CTNNA3: variants seen among roughly 807,000 people sequenced by gnomAD.
CTNNA3 encodes catenin alpha 3, also known as catenin alpha-3.
CTNNA3 carries 76 observed loss-of-function variants against 95.7 expected under a neutral mutation model. The observed-to-expected ratio is 0.79, with a 90% CI of 0.66 to 0.96. The LOEUF is 0.96. CTNNA3 is among the 40% of genes least tolerant of loss of function. The pLI is 0.00. For missense variants in CTNNA3, 1,191 were observed against 1,089.8 expected (o/e 1.09, Z -1.31); for synonymous variants, 431 against 374.4 (o/e 1.15, Z -1.74).
At chr10:66,336,606 T>C (rs2092399324) in intron 12 of CTNNA3, among the ~76,000 whole-genome samples, 1 of 152,178 alleles carries the variant, frequency 6.6e-6, no homozygotes, top group Non-Finnish European at 1.5e-5. Flanking sequence ...ATATTTTTTG[T>C]AACATTGTCT....
intron 5 of CTNNA3, among the ~76,000 whole-genome samples, chr10:67,287,578 A>G (rs1419842492): frequency 6.6e-6 from 1 of 152,212 alleles, no homozygotes; most frequent in Non-Finnish European, 1.5e-5. Context: ...GAATTTATAG[A>G]AGGATTTTTC....
chr10:67,737,811 T>G (rs1419287163), intron 1 of CTNNA3, among the ~76,000 whole-genome samples: 2 of 152,248 alleles, frequency 1.3e-5, no homozygotes, highest in African/African-American at 2.4e-5. Flanking sequence ...TTGGTGGGAC[T>G]GTAAACTAGT....
intron 12 of CTNNA3, among the ~76,000 whole-genome samples, chr10:66,324,511 G>C (rs72801023): frequency 0.064 from 9,674 of 152,230 alleles, 478 homozygotes; most frequent in East Asian, 0.21. Context: ...GCAAGGCTAA[G>C]ACAGCATTGT....
At chr10:66,116,234 A>C (rs1158563044) in intron 13 of CTNNA3, among the ~76,000 whole-genome samples, 1 of 152,234 alleles carries the variant, frequency 6.6e-6, no homozygotes, top group African/African-American at 2.4e-5. Context: ...GTTTCTACAC[A>C]GACTTGTCCT....
intron 7 of CTNNA3, among the ~76,000 whole-genome samples, chr10:66,797,479 T>G (rs1248948656): frequency 6.6e-6 from 1 of 151,142 alleles, no homozygotes; most frequent in Non-Finnish European, 1.5e-5. Flanking sequence ...CAAAGGAAAC[T>G]AAGTGCTTTC....
At chr10:66,040,040 C>A (rs954619839) in intron 15 of CTNNA3, among the ~76,000 whole-genome samples, 7 of 151,962 alleles carry the variant, frequency 4.6e-5, no homozygotes, top group Non-Finnish European at 2.9e-5. Flanking sequence ...ATAAAACAAA[C>A]AACCCCATAT....
chr10:66,964,666 G>GACT (rs1849303263), intron 7 of CTNNA3, among the ~76,000 whole-genome samples: 2 of 152,066 alleles, frequency 1.3e-5, no homozygotes. Context: ...ACCATCACAG[G>GACT]ACTGAGTCAC....
chr10:67,153,360 T>C (rs921733597), intron 7 of CTNNA3, among the ~76,000 whole-genome samples: 1 of 152,244 alleles, frequency 6.6e-6, no homozygotes, highest in Admixed American at 6.5e-5. Context: ...GGGCCTTCAC[T>C]TGAGAAATTT....
intron 13 of CTNNA3, among the ~76,000 whole-genome samples, chr10:66,194,353 C>G (rs10822746): frequency 0.38 from 57,250 of 151,892 alleles, 11,254 homozygotes; most frequent in South Asian, 0.53. Context: ...GCCGAGGCAG[C>G]CAGATCACCT....
intron 7 of CTNNA3, among the ~76,000 whole-genome samples, chr10:67,039,670 C>T: frequency 6.6e-6 from 1 of 152,040 alleles, no homozygotes; most frequent in Admixed American, 6.6e-5. Context: ...CATGACAGAA[C>T]ACCAGCATTA....
intron 5 of CTNNA3, among the ~76,000 whole-genome samples, chr10:67,465,817 A>G (rs573931682): frequency 3.9e-5 from 6 of 152,184 alleles, no homozygotes; most frequent in Non-Finnish European, 7.4e-5. Context: ...AATAATAACC[A>G]CATGAAAATC....
intron 7 of CTNNA3, among the ~76,000 whole-genome samples, chr10:66,974,599 G>T (rs1849922016): frequency 6.6e-6 from 1 of 152,116 alleles, no homozygotes; most frequent in Non-Finnish European, 1.5e-5. Flanking sequence ...CTTCAAAGTG[G>T]TTATTCCATT....
chr10:66,698,152 C>A (rs1328146488), intron 9 of CTNNA3, among the ~76,000 whole-genome samples: 3 of 152,130 alleles, frequency 2.0e-5, no homozygotes, highest in Admixed American at 1.3e-4. Context: ...TGTAAACATT[C>A]CCTTAAACAG....
chr10:67,482,548 T>C (rs1042286606), intron 5 of CTNNA3, among the ~76,000 whole-genome samples: 1 of 152,168 alleles, frequency 6.6e-6, no homozygotes, highest in Admixed American at 6.6e-5. Context: ...TGGCTCTCTG[T>C]TTGTCTGTTA....
intron 16 of CTNNA3, among the ~76,000 whole-genome samples, chr10:65,985,734 G>C (rs1163218410): frequency 6.6e-6 from 1 of 151,436 alleles, no homozygotes; most frequent in Non-Finnish European, 1.5e-5. Flanking sequence ...GCTGCCTACT[G>C]TCACCATTTT....
chr10:66,262,346 C>T (rs780751648), intron 13 of CTNNA3, among the ~76,000 whole-genome samples: 3 of 151,874 alleles, frequency 2.0e-5, no homozygotes, highest in Non-Finnish European at 4.4e-5. Flanking sequence ...AAATCTAAAC[C>T]TTCAAATAAC....
intron 7 of CTNNA3, among the ~76,000 whole-genome samples, chr10:67,177,751 T>A (rs7899658): frequency 0.37 from 55,616 of 152,054 alleles, 14,578 homozygotes; most frequent in African/African-American, 0.75. Context: ...GGAGTGACAG[T>A]AAACCTGGGG....
At chr10:66,189,619 C>CATATATATATATATATAT (rs1258504289) in intron 13 of CTNNA3, among the ~76,000 whole-genome samples, 2 of 96,632 alleles carry the variant, frequency 2.1e-5, no homozygotes, top group African/African-American at 7.8e-5. Flanking sequence ...TATATATATA[C>CATATATATATATATATAT]ACACATACAC....
intron 7 of CTNNA3, among the ~76,000 whole-genome samples, chr10:67,135,172 A>C (rs4332420): frequency 0.6 from 91,789 of 151,884 alleles, 28,364 homozygotes; most frequent in Middle Eastern, 0.74. Flanking sequence ...TAAGTTCATT[A>C]ATGAATATGG....
Sources: allele counts gnomAD v4.1 joint callset (sites outside exome capture counted in the v4.1 genomes callset), GRCh38; gene constraint gnomAD v4.1.1; transcripts MANE v1.5; gene names NCBI Gene and HGNC (gene_info 2026-07-23, HGNC 2026-07-21).